Variants in MAPRE3 observed in about 807,000 individuals in gnomAD.
MAPRE3 encodes the protein microtubule-associated protein RP/EB family member 3.
MAPRE3 carries 2 observed loss-of-function variants against 30.5 expected under a neutral mutation model. The observed-to-expected ratio is 0.07, with a 90% CI of 0.03 to 0.21. MAPRE3 has a LOEUF of 0.21. Ranked by LOEUF, MAPRE3 falls within the 10% of genes least tolerant of loss-of-function variation. MAPRE3 has a pLI of 1.00. For missense variants in MAPRE3, 204 were observed against 351.8 expected (o/e 0.58, Z 3.36); for synonymous variants, 110 against 127.7 (o/e 0.86, Z 0.93).
At chr2:26,997,571 T>A (rs1666491851) in intron 1 of MAPRE3, among the ~76,000 whole-genome samples, 1 of 152,078 alleles carries the variant, frequency 6.6e-6, no homozygotes, top group African/African-American at 2.4e-5. Context: ...GCCGCTGATC[T>A]GACAGGAGGT....
At position 26,986,239 on chromosome 2, in the gene MAPRE3, C is replaced by A. The variant is rs1329861042; in HGVS notation, c.-8+15437C>A. 5.9e-5 allele frequency among the ~76,000 whole-genome samples: 9 copies of A among 152,128 alleles called. No individual in the cohort carries two copies. In the South Asian group the frequency reaches 1.5e-3, roughly 25 times the overall value. On this transcript the variant is annotated intron_variant, in intron 1 of 6. Transcript: ENST00000233121. This position sits in a 1 kb window ranked among gnomAD's most constrained non-coding sequence, Gnocchi z 4.2. ...CCCTTCTGCTTCCCCTTATAAGGAC[C>A]CTGGTGATTACACTGGGCCCACTCA...
In MAPRE3 at chr2:26,974,984, A is replaced by G. The variant is rs1665988318; in HGVS notation, c.-8+4182A>G. Among the ~76,000 whole-genome samples, 4 of 152,234 alleles carry G rather than the reference A, an allele frequency of 2.6e-5. No homozygotes were observed. The South Asian group carries it at 6.2e-4, about 24-fold the overall frequency. ...CTCGGTATTTGACACGAACAGAGAA[A>G]AGGTTTGTACCGGGAAGACCCGGCA... On this transcript the variant is annotated intron_variant, in intron 1 of 6. Coordinates refer to ENST00000233121, the MANE Select transcript of MAPRE3 (RefSeq NM_012326.4).
chr2:26,982,748 G>A (rs1666140414), intron 1 of MAPRE3, among the ~76,000 whole-genome samples: 1 of 152,226 alleles, frequency 6.6e-6, no homozygotes, highest in Non-Finnish European at 1.5e-5. Context: ...CTAGCTTCAT[G>A]AGGCAGGGAC....
At position 27,026,587 on chromosome 2, in the gene MAPRE3, G is replaced by A. The variant is rs966853368; in HGVS notation, c.*239G>A. ...GTCCACACCCACCCTATTTATTTCC[G>A]TTGTCTCTCTGCTGTGTCGCCCAAC... is the stretch of plus-strand genomic sequence containing the variant. On this transcript the variant is annotated 3_prime_UTR_variant, in exon 7 of 7. Transcript: ENST00000233121. 5.8e-5 allele frequency: 27 copies of A among 468,014 alleles called. No individual in the cohort carries two copies. The highest frequency in any genetic ancestry group is 7.9e-5 in the Non-Finnish European group (21 of 266,286). 29.0% of individuals were successfully genotyped at this position (468,014 alleles called of 1,614,324 possible). A position where few individuals can be genotyped will look rare whatever the true frequency, so the allele number is the denominator to read the frequency against.
intron 1 of MAPRE3, chr2:27,013,856 C>G (rs1469881473): frequency 6.6e-6 from 1 of 152,292 alleles, no homozygotes. Context: ...GCTCAGCCCC[C>G]AAAGCAGCGT....
At chr2:26,990,626 T>C (rs1461602775) in intron 1 of MAPRE3, among the ~76,000 whole-genome samples, 1 of 152,268 alleles carries the variant, frequency 6.6e-6, no homozygotes, top group Non-Finnish European at 1.5e-5. Context: ...ATAGTTTGAA[T>C]ATGTATATAG....
chr2:26,970,978 C>T (rs1665904465), intron 1 of MAPRE3, among the ~76,000 whole-genome samples, 176 bp downstream of exon 1: 1 of 151,708 alleles, frequency 6.6e-6, no homozygotes. Flanking sequence ...GCCGGGTTCC[C>T]TCCGGCCTTG....
intron 1 of MAPRE3, among the ~76,000 whole-genome samples, chr2:26,976,196 T>C (rs1409079568): frequency 6.6e-6 from 1 of 152,224 alleles, no homozygotes; most frequent in East Asian, 1.9e-4. Flanking sequence ...ATCTTTCACA[T>C]AATGACTGAT....
At chr2:26,983,813 T>A (rs1572744752) in intron 1 of MAPRE3, among the ~76,000 whole-genome samples, 1 of 152,190 alleles carries the variant, frequency 6.6e-6, no homozygotes, top group East Asian at 1.9e-4. Context: ...CTTTTCTAAT[T>A]CCAAAGAGGC....
At chr2:27,014,636 T>C (rs1204721678) in intron 1 of MAPRE3, 1 of 152,274 alleles carries the variant, frequency 6.6e-6, no homozygotes. Flanking sequence ...GCTGAGCCTC[T>C]CAATGAATCA....
At chr2:27,001,514 A>G (rs2148213269) in intron 1 of MAPRE3, among the ~76,000 whole-genome samples, 1 of 152,144 alleles carries the variant, frequency 6.6e-6, no homozygotes, top group South Asian at 2.1e-4. Context: ...TCATTCATAG[A>G]TAGATAGATA....
chr2:27,024,360 G>C, intron 4 of MAPRE3, 63 bp downstream of exon 4: 1 of 1,497,574 alleles, frequency 6.7e-7, no homozygotes, highest in Non-Finnish European at 9.0e-7. Context: ...CTATAGCCAG[G>C]AGTGCCCCCT....
intron 1 of MAPRE3, among the ~76,000 whole-genome samples, chr2:27,000,728 G>A (rs774367624): frequency 7.2e-5 from 11 of 152,210 alleles, no homozygotes; most frequent in African/African-American, 1.4e-4. Flanking sequence ...TGCAGCTGCC[G>A]GTGTCCGCTG....
chr2:26,996,027 A>G (rs1666451805), intron 1 of MAPRE3, among the ~76,000 whole-genome samples: 1 of 151,664 alleles, frequency 6.6e-6, no homozygotes, highest in Non-Finnish European at 1.5e-5. Context: ...CCATCTTGGA[A>G]CCTGGTGTGA....
chr2:26,974,335 C>T (rs1480269702), intron 1 of MAPRE3, among the ~76,000 whole-genome samples: 3 of 152,220 alleles, frequency 2.0e-5, no homozygotes, highest in African/African-American at 4.8e-5. Context: ...AATATTTATT[C>T]TTGCCACTTT....
intron 1 of MAPRE3, among the ~76,000 whole-genome samples, chr2:26,992,027 A>G (rs1250090808): frequency 6.6e-6 from 1 of 152,164 alleles, no homozygotes; most frequent in Non-Finnish European, 1.5e-5. Context: ...TTGAATGTGT[A>G]TAATTTTTTA....
intron 1 of MAPRE3, among the ~76,000 whole-genome samples, chr2:26,989,884 T>G (rs912701687): frequency 6.6e-6 from 1 of 152,152 alleles, no homozygotes; most frequent in Non-Finnish European, 1.5e-5. Context: ...AGCTGCAGTT[T>G]TAAGAAATTT....
At position 27,025,855 on chromosome 2, in the gene MAPRE3, T is replaced by C. The variant is rs778201188; in HGVS notation, c.625-25T>C. On this transcript the variant is annotated intron_variant, in intron 5 of 6. Coordinates refer to ENST00000233121, the MANE Select transcript of MAPRE3 (RefSeq NM_012326.4). ...GAACCTGAGGTGGGGACCTCTGGCT[T>C]GAACATCACTTTGTCCCCAAGCAGC... 6.8e-6 allele frequency: 11 copies of C among 1,614,058 alleles called. No homozygotes were observed. The Admixed American group carries it at 1.7e-4, about 24-fold the overall frequency.
In MAPRE3 at chr2:26,986,208, G is replaced by C. The variant is rs1461767240; in HGVS notation, c.-8+15406G>C. On this transcript the variant is annotated intron_variant, in intron 1 of 6. Transcript: ENST00000233121. This position sits in a 1 kb window ranked among gnomAD's most constrained non-coding sequence, Gnocchi z 4.2. The stretch of plus-strand genomic sequence containing the variant: ...TCTGCTTCCATCATCACTGTTCTCT[G>C]ACTGACCCTTCTGCTTCCCCTTATA... Among the ~76,000 whole-genome samples the C allele has an allele frequency of 6.6e-6, 1 of 152,084 alleles. No individual in the cohort carries two copies. Among genetic ancestry groups the C allele is most frequent in the East Asian group, 1.9e-4 (1 of 5,190 alleles).
Sources: gnomAD v4.1 joint callset for allele counts (sites outside exome capture counted in the v4.1 genomes callset) on GRCh38, gnomAD v4.1.1 for gene constraint, Gnocchi (gnomAD v3.1) non-coding constraint, MANE v1.5 for transcripts, NCBI Gene and HGNC (gene_info 2026-07-23, HGNC 2026-07-21) for gene names.